Variants in NR3C1 observed in about 807,000 individuals in gnomAD.
The protein encoded by NR3C1 is glucocorticoid receptor.
NR3C1 carries 14 observed loss-of-function variants against 74.0 expected under a neutral mutation model. That is an observed-to-expected ratio of 0.19 (90% CI 0.12 to 0.30). NR3C1 has a LOEUF of 0.30. Among genes scored for constraint, NR3C1 ranks in the 10% least tolerant of loss-of-function variants. The probability of loss-of-function intolerance (pLI) is 1.00; values close to 1 mark genes in which losing one functional copy is unlikely to be tolerated. For missense variants in NR3C1, 695 were observed against 909.8 expected, an observed-to-expected ratio of 0.76 and a Z score of 3.04; for synonymous variants, 308 against 332.5, an observed-to-expected ratio of 0.93 and a Z score of 0.80.
intron 2 of NR3C1, among the ~76,000 whole-genome samples, chr5:143,381,024 T>C (rs1836131033): frequency 6.6e-6 from 1 of 152,170 alleles, no homozygotes; most frequent in South Asian, 2.1e-4. Context: ...GTTTGCAGAC[T>C]GTATGATCTT....
Position 143,280,394 on chromosome 5 carries a change from A to G in NR3C1, c.*1495T>C, listed in dbSNP as rs1294983410. ...ATATATTAGAAGTTCCATATTTTTA[A>G]TATTAGATTTTCAGTTTTCTATTAC... On this transcript the variant is annotated 3_prime_UTR_variant, in exon 9 of 9. Transcript: ENST00000394464. The G allele has an allele frequency of 3.3e-5, 5 of 152,584 alleles. No individual in the cohort carries two copies. The highest frequency in any genetic ancestry group is 1.5e-5 in the Non-Finnish European group (1 of 68,030). The allele number at this position is 152,584 out of a possible 1,614,324, so 9.5% of individuals were successfully genotyped here. A position where few individuals can be genotyped will look rare whatever the true frequency, so the allele number is the denominator to read the frequency against.
chr5:143,336,494 T>C (rs1364771459), intron 2 of NR3C1, among the ~76,000 whole-genome samples: 1 of 151,992 alleles, frequency 6.6e-6, no homozygotes, highest in Non-Finnish European at 1.5e-5. Context: ...GCAACCTAAT[T>C]ATTATGAAAA....
intron 1 of NR3C1, among the ~76,000 whole-genome samples, chr5:143,415,463 A>C (rs562064296): frequency 6.6e-6 from 1 of 152,124 alleles, no homozygotes; most frequent in Non-Finnish European, 1.5e-5. Context: ...GATTAACTAT[A>C]ATTTATTGTA....
At position 143,304,537 on chromosome 5, in the gene NR3C1, T is replaced by C. The variant is rs534880325; in HGVS notation, c.1469-3774A>G. Among the ~76,000 whole-genome samples the C allele has an allele frequency of 1.2e-4, 19 of 152,286 alleles. No individual in the cohort carries two copies. The South Asian group carries it at 3.9e-3, about 32-fold the overall frequency. ...TCCTATCAAACTACAATGTCATTTTTCACAGAATTAGCAAAAAGCATTCTA... is the reference window on the plus strand; with the variant it reads ...TCCTATCAAACTACAATGTCATTTTCCACAGAATTAGCAAAAAGCATTCTA... On this transcript the variant is annotated intron_variant, in intron 4 of 8. Coordinates refer to ENST00000394464, the MANE Select transcript of NR3C1 (RefSeq NM_000176.3).
rs377600187 is a variant in NR3C1, at chr5:143,343,719, G to A, written c.1185-29551C>T. ...GTTACTCTGTGTGTATTTATGATACGTAACTTTTTAATCTTCATAATATTC... is the reference window on the plus strand; with the variant it reads ...GTTACTCTGTGTGTATTTATGATACATAACTTTTTAATCTTCATAATATTC... On this transcript the variant is annotated intron_variant, in intron 2 of 8. Coordinates refer to ENST00000394464, the MANE Select transcript of NR3C1 (RefSeq NM_000176.3). Among the ~76,000 whole-genome samples, 57 of 152,196 alleles carry A rather than the reference G, an allele frequency of 3.7e-4. 1 individual carries two copies. The East Asian group carries it at 8.1e-3, about 22-fold the overall frequency.
At chr5:143,355,167 C>T (rs557278083) in intron 2 of NR3C1, among the ~76,000 whole-genome samples, 1 of 152,224 alleles carries the variant, frequency 6.6e-6, no homozygotes, top group South Asian at 2.1e-4. Flanking sequence ...TACAATAAAA[C>T]AAGGTATGCT....
intron 1 of NR3C1, among the ~76,000 whole-genome samples, chr5:143,402,245 T>A (rs1472916820): frequency 6.6e-6 from 1 of 152,198 alleles, no homozygotes; most frequent in South Asian, 2.1e-4. Context: ...ACAGCTGCCT[T>A]CAAACCCGAA....
intron 2 of NR3C1, among the ~76,000 whole-genome samples, chr5:143,327,805 G>C (rs1231520332): frequency 1.3e-5 from 2 of 152,244 alleles, no homozygotes; most frequent in African/African-American, 4.8e-5. Context: ...CCCTTGGGCA[G>C]CTCCGCCCCT....
chr5:143,402,126 G>A (rs1404336082), intron 1 of NR3C1, among the ~76,000 whole-genome samples: 2 of 152,090 alleles, frequency 1.3e-5, no homozygotes, highest in Admixed American at 6.6e-5. Flanking sequence ...AAATCTTGAG[G>A]GTAAACTGCT....
chr5:143,318,127 A>G (rs1822557495), intron 2 of NR3C1, among the ~76,000 whole-genome samples: 1 of 152,112 alleles, frequency 6.6e-6, no homozygotes, highest in Admixed American at 6.6e-5. Context: ...TCATCACACA[A>G]TAGGTCTCTA....
upstream of NR3C1, chr5:143,405,021 G>C: frequency 1.5e-6 from 1 of 661,158 alleles, no homozygotes; most frequent in Non-Finnish European, 1.9e-6. Context: ...AAGGGAACTC[G>C]TGGTCCGTCC....
At chr5:143,343,276 T>C (rs1051233645) in intron 2 of NR3C1, among the ~76,000 whole-genome samples, 3 of 152,164 alleles carry the variant, frequency 2.0e-5, no homozygotes, top group Non-Finnish European at 4.4e-5. Flanking sequence ...AATCAACAGC[T>C]CTTTCAGCTT....
chr5:143,317,857 C>T (rs955020759), intron 2 of NR3C1, among the ~76,000 whole-genome samples: 6 of 152,056 alleles, frequency 3.9e-5, no homozygotes, highest in Non-Finnish European at 5.9e-5. Context: ...CAAATGATAA[C>T]GAACCTTGAA....
At chr5:143,306,922 A>C in intron 4 of NR3C1, among the ~76,000 whole-genome samples, 1 of 101,284 alleles carries the variant, frequency 9.9e-6, no homozygotes, top group Admixed American at 1.6e-4. Flanking sequence ...TTTGAGACGG[A>C]GTCTCGCTCT....
At chr5:143,389,970 C>G (rs995295733) in intron 2 of NR3C1, 1 of 965,498 alleles carries the variant, frequency 1.0e-6, no homozygotes, top group African/African-American at 1.8e-5. Context: ...TCCAAGAAAA[C>G]AGTTTGCTTT....
chr5:143,360,493 C>T (rs1433279035), intron 2 of NR3C1, among the ~76,000 whole-genome samples: 3 of 152,138 alleles, frequency 2.0e-5, no homozygotes. Flanking sequence ...ACAGGAGTAG[C>T]TAATTGGATC....
At chr5:143,293,894 T>A (rs1490710031) in intron 7 of NR3C1, 7 of 982,436 alleles carry the variant, frequency 7.1e-6, no homozygotes, top group Middle Eastern at 1.0e-3. Context: ...CAAGTAAAGT[T>A]GTTAGTATCC....
intron 2 of NR3C1, among the ~76,000 whole-genome samples, chr5:143,317,914 G>C (rs111705567): frequency 8.5e-5 from 13 of 152,234 alleles, no homozygotes; most frequent in African/African-American, 2.9e-4. Flanking sequence ...GCCGCCTCTT[G>C]TGTCTCAGTA....
In NR3C1 at chr5:143,300,815, C is replaced by G. The variant is rs375074525; in HGVS notation, c.1469-52G>C. ...AAATGAACTGTAATGGGAAGGTCTG[C>G]GCTACACAGTTTATTCAAGAAGTAT... On this transcript the variant is annotated intron_variant, in intron 4 of 8. Transcript: ENST00000394464. The surrounding 1 kb of genome is among the most constrained non-coding windows in gnomAD (Gnocchi z 5.2). The G allele has an allele frequency of 6.7e-7, 1 of 1,490,412 alleles. No homozygotes were observed. Among genetic ancestry groups the G allele is most frequent in the Non-Finnish European group, 9.2e-7 (1 of 1,081,556 alleles). The allele number at this position is 1,490,412 out of a possible 1,614,324, so 92.3% of individuals were successfully genotyped here. A position where few individuals can be genotyped will look rare whatever the true frequency, so the allele number is the denominator to read the frequency against.
Sources: gnomAD v4.1 joint callset for allele counts (sites outside exome capture counted in the v4.1 genomes callset) on GRCh38, gnomAD v4.1.1 for gene constraint, Gnocchi (gnomAD v3.1) non-coding constraint, MANE v1.5 for transcripts, NCBI Gene and HGNC (gene_info 2026-07-23, HGNC 2026-07-21) for gene names.